The following RAB43 variants were observed in gnomAD, a reference collection of about 807,000 sequenced individuals.
RAB43 encodes ras-related protein Rab-43.
In RAB43, 6 loss-of-function variants were observed where a neutral mutation model predicts 18.8. The ratio of observed to expected loss-of-function variants is 0.32; its 90% CI spans 0.17 to 0.63. The LOEUF (loss-of-function observed/expected upper bound fraction) is 0.63. Ranked by LOEUF, RAB43 falls within the 30% of genes least tolerant of loss-of-function variation. The probability of loss-of-function intolerance (pLI) is 0.79; values close to 1 mark genes in which losing one functional copy is unlikely to be tolerated. For missense variants in RAB43, 195 were observed against 289.1 expected, an observed-to-expected ratio of 0.67 and a Z score of 2.36; for synonymous variants, 103 against 124.1, an observed-to-expected ratio of 0.83 and a Z score of 1.13.
Position 129,095,909 on chromosome 3 carries a change from C to T in RAB43, c.205-740G>A, listed in dbSNP as rs1392014822. 6.6e-6 allele frequency among the ~76,000 whole-genome samples: 1 copy of T among 152,202 alleles called. No individual in the cohort carries two copies. Among genetic ancestry groups the T allele is most frequent in the Non-Finnish European group, 1.5e-5 (1 of 68,034 alleles). Reference sequence around the variant, plus strand: ...AGAGTCTGGCAGGATGGATACCAGGCCAGGTAGGGGCAGAGGTCTGTGCGG... The same window carrying T: ...AGAGTCTGGCAGGATGGATACCAGGTCAGGTAGGGGCAGAGGTCTGTGCGG... On this transcript the variant is annotated intron_variant, in intron 1 of 2. Transcript: ENST00000315150. This position sits in a 1 kb window ranked among gnomAD's most constrained non-coding sequence, Gnocchi z 4.2.
intron 1 of RAB43, among the ~76,000 whole-genome samples, chr3:129,105,677 G>C (rs1042971354): frequency 4.0e-5 from 6 of 151,302 alleles, no homozygotes; most frequent in Non-Finnish European, 7.4e-5. Flanking sequence ...CTACTCAGGA[G>C]GCTGAGGCAG....
chr3:129,121,161 GA>G, intron 1 of RAB43, 124 bp downstream of exon 1: 3 of 852,270 alleles, frequency 3.5e-6, no homozygotes, highest in East Asian at 3.2e-5. Flanking sequence ...CCCGAGGAAG[GA>G]AAAAGGGGAA....
chr3:129,120,822 C>T (rs149563859), intron 1 of RAB43, among the ~76,000 whole-genome samples: 5 of 152,162 alleles, frequency 3.3e-5, no homozygotes, highest in Non-Finnish European at 5.9e-5. Flanking sequence ...ACTTCCTGAT[C>T]GCTCCTAGTC....
At chr3:129,108,198 G>A (rs181324216) in intron 1 of RAB43, among the ~76,000 whole-genome samples, 53 of 152,272 alleles carry the variant, frequency 3.5e-4, no homozygotes, top group African/African-American at 1.3e-3. Context: ...CGCCTCTGTG[G>A]CCCTGAGGAG....
intron 1 of RAB43, among the ~76,000 whole-genome samples, chr3:129,106,412 C>G (rs1446581244): frequency 6.6e-6 from 1 of 152,172 alleles, no homozygotes; most frequent in Non-Finnish European, 1.5e-5. Context: ...GTGGGCCATG[C>G]GAGCTCCTGA....
Position 129,094,967 on chromosome 3 carries a change from C to G in RAB43, c.388+19G>C, listed in dbSNP as rs372339744. The stretch of plus-strand genomic sequence containing the variant: ...GGCAGAGTGATGGGATTTGTGGTCC[C>G]GAGGAATCCCCAACTCACCGATCAG... On this transcript the variant is annotated intron_variant, in intron 2 of 2. Transcript: ENST00000315150. 6.2e-7 allele frequency: 1 copy of G among 1,604,212 alleles called. No individual in the cohort carries two copies. Among genetic ancestry groups the G allele is most frequent in the Non-Finnish European group, 8.5e-7 (1 of 1,174,290 alleles).
rs746771675 is a variant in RAB43 at position 129,091,243 on chromosome 3, C to G, written c.492G>C (p.Lys164Asn). 6.3e-7 allele frequency: 1 copy of G among 1,594,806 alleles called. No homozygotes were observed. Among genetic ancestry groups the G allele is most frequent in the Non-Finnish European group, 8.5e-7 (1 of 1,169,618 alleles). Reference sequence around the variant, plus strand: ...AGGCCTCCTCCACGTTGCTCGAGTCCTTGGCAGACGTCTCAATGGCACACA... The same window carrying G: ...AGGCCTCCTCCACGTTGCTCGAGTCGTTGGCAGACGTCTCAATGGCACACA... ...DILCAIETSA[K>N]DSSNVEEAFL... Residue 164 changes from lysine (K) to asparagine (N), a missense_variant, in exon 3 of 3, where the codon AAG becomes AAC. Lys to Asn is a moderately conservative substitution (Grantham distance 94). Transcript: ENST00000315150.
intron 1 of RAB43, among the ~76,000 whole-genome samples, chr3:129,110,403 T>C (rs1935082382): frequency 6.6e-6 from 1 of 152,148 alleles, no homozygotes. Context: ...CTTTGATACC[T>C]AAGACAAAGT....
At chr3:129,119,634 C>T (rs1258414824) in intron 1 of RAB43, among the ~76,000 whole-genome samples, 1 of 152,186 alleles carries the variant, frequency 6.6e-6, no homozygotes. Flanking sequence ...AGCTCTTCTG[C>T]TCCCTGGGCC....
In RAB43 at chr3:129,091,808, G is replaced by A. The variant is rs532148487; in HGVS notation, c.389-462C>T. 4.6e-5 allele frequency among the ~76,000 whole-genome samples: 7 copies of A among 151,972 alleles called. No homozygotes were observed. In the South Asian group the frequency reaches 1.2e-3, roughly 27 times the overall value. ...GGGCCAAGCGCAGTGGCTCATGCTTGTAATCCCAGCATTTGGGAAGGCCGA... is the reference window on the plus strand; with the variant it reads ...GGGCCAAGCGCAGTGGCTCATGCTTATAATCCCAGCATTTGGGAAGGCCGA... On this transcript the variant is annotated intron_variant, in intron 2 of 2. Coordinates refer to ENST00000315150, the MANE Select transcript of RAB43 (RefSeq NM_198490.3).
chr3:129,120,248 G>C (rs1339777247), intron 1 of RAB43, among the ~76,000 whole-genome samples: 1 of 152,250 alleles, frequency 6.6e-6, no homozygotes, highest in Middle Eastern at 3.4e-3. Flanking sequence ...TAGAAACAAA[G>C]ACAAAGAGCT....
intron 1 of RAB43, among the ~76,000 whole-genome samples, chr3:129,098,742 C>A (rs1934217434): frequency 6.6e-6 from 1 of 152,150 alleles, no homozygotes; most frequent in Non-Finnish European, 1.5e-5. Context: ...AAAATTATTT[C>A]TTAAAACATA....
chr3:129,118,524 G>A (rs1935696490), intron 1 of RAB43, among the ~76,000 whole-genome samples: 1 of 151,992 alleles, frequency 6.6e-6, no homozygotes, highest in Non-Finnish European at 1.5e-5. Flanking sequence ...GTACCTCCAA[G>A]CTCACAGGAG....
intron 1 of RAB43, among the ~76,000 whole-genome samples, chr3:129,106,845 C>A (rs1336845834): frequency 6.6e-6 from 1 of 152,208 alleles, no homozygotes; most frequent in African/African-American, 2.4e-5. Context: ...TACAATGCAG[C>A]TCTCCTTGGG....
chr3:129,105,040 G>A (rs1433109469), intron 1 of RAB43, among the ~76,000 whole-genome samples: 2 of 152,092 alleles, frequency 1.3e-5, no homozygotes, highest in Non-Finnish European at 2.9e-5. Flanking sequence ...AAAATGTCCC[G>A]CACTATTGGG....
At chr3:129,100,534 TAA>T (rs1934351567) in intron 1 of RAB43, among the ~76,000 whole-genome samples, 1 of 152,182 alleles carries the variant, frequency 6.6e-6, no homozygotes, top group African/African-American at 2.4e-5. Context: ...ACACACAAGT[TAA>T]GTTTGCTTAA....
intron 2 of RAB43, among the ~76,000 whole-genome samples, chr3:129,093,214 C>A (rs1157366293): frequency 6.6e-6 from 1 of 151,690 alleles, no homozygotes; most frequent in Admixed American, 6.6e-5. Context: ...TGGTCTTGAA[C>A]TCCTGAACTC....
chr3:129,121,174 C>G, intron 1 of RAB43, 112 bp downstream of exon 1: 1 of 1,022,314 alleles, frequency 9.8e-7, no homozygotes, highest in Non-Finnish European at 1.4e-6. Flanking sequence ...AAAGGGGAAG[C>G]CAAAGGAAAC....
chr3:129,092,541 G>C (rs1319740844), intron 2 of RAB43: 14 of 697,868 alleles, frequency 2.0e-5, no homozygotes, highest in Non-Finnish European at 3.1e-5. Context: ...CAGGAGGATT[G>C]CTTGAGGCCA....
Sources: allele counts gnomAD v4.1 joint callset (sites outside exome capture counted in the v4.1 genomes callset), GRCh38; gene constraint gnomAD v4.1.1; non-coding constraint Gnocchi (gnomAD v3.1); transcripts MANE v1.5; gene names NCBI Gene and HGNC (gene_info 2026-07-23, HGNC 2026-07-21).